Variants in CFAP100 observed in about 807,000 individuals in gnomAD.
The protein encoded by CFAP100 is cilia- and flagella-associated protein 100.
In CFAP100, 70 loss-of-function variants were observed where a neutral mutation model predicts 81.5. The observed-to-expected ratio is 0.86, with a 90% CI of 0.71 to 1.05. CFAP100 has a LOEUF of 1.05. Ranked by LOEUF, CFAP100 falls within the 50% of genes least tolerant of loss-of-function variation. The probability of loss-of-function intolerance (pLI) is 0.00; values close to 1 mark genes in which losing one functional copy is unlikely to be tolerated. For synonymous variants in CFAP100, 341 were observed against 314.8 expected (o/e 1.08, Z -0.88); for missense variants, 811 against 776.5 (o/e 1.04, Z -0.53).
chr3:126,402,413 G>A (rs752364399), intron 2 of CFAP100, among the ~76,000 whole-genome samples: 11 of 152,230 alleles, frequency 7.2e-5, no homozygotes, highest in Non-Finnish European at 1.2e-4. Flanking sequence ...GGGAAAGGGG[G>A]ACGTGGGCAG....
At position 126,423,653 on chromosome 3, in the gene CFAP100, T is replaced by C. The variant is rs13064828; in HGVS notation, c.1286+9T>C. On this transcript the variant is annotated intron_variant, in intron 13 of 16. Coordinates refer to ENST00000352312, the MANE Select transcript of CFAP100 (RefSeq NM_182628.3). The stretch of plus-strand genomic sequence containing the variant: ...CACACCCAGATCCGCATGTAGGTGC[T>C]ATGCGGTGGCCAGTGGGGGCTCCCT... The C allele has an allele frequency of 0.33, 527,295 of 1,613,736 alleles. 87,688 individuals carry two copies. Among genetic ancestry groups the C allele is most frequent in the East Asian group, 0.39 (17,704 of 44,862 alleles).
At chr3:126,432,162 C>T (rs1383430009) in intron 13 of CFAP100, among the ~76,000 whole-genome samples, 1 of 151,484 alleles carries the variant, frequency 6.6e-6, no homozygotes, top group Non-Finnish European at 1.5e-5. Flanking sequence ...GCCTGTAGTT[C>T]CAGCTACTCA....
chr3:126,411,511 G>A (rs1027771270), intron 3 of CFAP100, among the ~76,000 whole-genome samples: 1 of 151,552 alleles, frequency 6.6e-6, no homozygotes, highest in Non-Finnish European at 1.5e-5. Flanking sequence ...TTGAATGTCT[G>A]GTAGAATTCA....
At position 126,433,160 on chromosome 3, in the gene CFAP100, A is replaced by G; in HGVS notation, c.1378A>G (p.Lys460Glu). The G allele has an allele frequency of 6.2e-7, 1 of 1,613,734 alleles. No individual in the cohort carries two copies. The highest frequency in any genetic ancestry group is 8.5e-7 in the Non-Finnish European group (1 of 1,179,590). ...EEDTAAELEL[K>E]ARVFHFGEYK... Reference sequence around the variant, plus strand: ...GGACACAGCAGCTGAGCTGGAGCTCAAAGCCCGAGTCTTCCACTTCGGCGA... The same window carrying G: ...GGACACAGCAGCTGAGCTGGAGCTCGAAGCCCGAGTCTTCCACTTCGGCGA... The change falls in exon 14 of 17, where the codon AAA (lysine) becomes GAA (glutamate). Residue 460 changes from lysine (K) to glutamate (E), a missense_variant. Transcript: ENST00000352312.
rs749265136 is a variant in CFAP100, at chr3:126,414,091, G to T, written c.137G>T (p.Gly46Val). ...KKQARKNEEHGPDPSANPFHL... is the reference protein window; with the variant it reads ...KKQARKNEEHVPDPSANPFHL... The stretch of plus-strand genomic sequence containing the variant: ...GAGGTGTCTCCCTTTCCAGAACATG[G>T]TCCTGACCCTTCAGCGAACCCTTTC... The change falls in exon 4 of 17, where the codon GGT (glycine) becomes GTT (valine). Residue 46 changes from glycine to valine, a missense_variant. Gly to Val is a moderately radical substitution (Grantham distance 109, BLOSUM62 -3). Transcript: ENST00000352312. 3.5e-5 allele frequency: 57 copies of T among 1,612,946 alleles called. 1 individual carries two copies. The Admixed American group carries it at 9.5e-4, about 27-fold the overall frequency.
chr3:126,421,552 C>T (rs964163236), intron 11 of CFAP100, among the ~76,000 whole-genome samples: 2 of 152,156 alleles, frequency 1.3e-5, no homozygotes, highest in African/African-American at 4.8e-5. Flanking sequence ...CAGGGCTGCT[C>T]CCTACATCCC....
At chr3:126,417,481 G>A (rs972887607) in intron 5 of CFAP100, among the ~76,000 whole-genome samples, 1 of 152,236 alleles carries the variant, frequency 6.6e-6, no homozygotes, top group African/African-American at 2.4e-5. Context: ...CTCCACCTGG[G>A]GAGTGGCGCC....
intron 4 of CFAP100, among the ~76,000 whole-genome samples, chr3:126,415,676 G>C (rs982752535): frequency 1.3e-5 from 2 of 152,162 alleles, no homozygotes; most frequent in African/African-American, 2.4e-5. Flanking sequence ...TCCCGGGGCC[G>C]GTGCAGAAAA....
At chr3:126,408,665 G>A (rs2083106898) in intron 3 of CFAP100, among the ~76,000 whole-genome samples, 1 of 152,214 alleles carries the variant, frequency 6.6e-6, no homozygotes. Context: ...CTTCTCATGG[G>A]CAGAGGCAGC....
chr3:126,421,775 C>A (rs1560076216), intron 11 of CFAP100, among the ~76,000 whole-genome samples: 2 of 152,262 alleles, frequency 1.3e-5, no homozygotes, highest in African/African-American at 2.4e-5. Flanking sequence ...TTCCTTTCTG[C>A]CCAGTGTGGC....
intron 2 of CFAP100, among the ~76,000 whole-genome samples, chr3:126,403,496 T>G (rs1362783415): frequency 6.6e-6 from 1 of 151,470 alleles, no homozygotes; most frequent in Non-Finnish European, 1.5e-5. Flanking sequence ...ATTATCTTCC[T>G]GCCTCAGCCT....
intron 13 of CFAP100, among the ~76,000 whole-genome samples, chr3:126,428,174 G>A (rs1933033287): frequency 1.3e-5 from 2 of 152,206 alleles, no homozygotes; most frequent in South Asian, 2.1e-4. Flanking sequence ...ATATTTTTCA[G>A]TGCTAAAAGG....
At position 126,423,647 on chromosome 3, in the gene CFAP100, A is replaced by C. The variant is rs1389402322; in HGVS notation, c.1286+3A>C. The C allele has an allele frequency of 6.2e-7, 1 of 1,614,136 alleles. No homozygotes were observed. The highest frequency in any genetic ancestry group is 8.5e-7 in the Non-Finnish European group (1 of 1,179,986). ...CTGAAACACACCCAGATCCGCATGT[A>C]GGTGCTATGCGGTGGCCAGTGGGGG... On this transcript the variant is annotated splice_donor_region_variant and intron_variant, in intron 13 of 16. Coordinates refer to ENST00000352312, the MANE Select transcript of CFAP100 (RefSeq NM_182628.3).
At chr3:126,409,496 G>A (rs189879795) in intron 3 of CFAP100, among the ~76,000 whole-genome samples, 2 of 152,324 alleles carry the variant, frequency 1.3e-5, no homozygotes, top group South Asian at 2.1e-4. Flanking sequence ...ATTGCTGGTC[G>A]TGTGTTTAAC....
chr3:126,408,700 G>A (rs916738484), intron 3 of CFAP100, among the ~76,000 whole-genome samples: 3 of 152,200 alleles, frequency 2.0e-5, no homozygotes, highest in Non-Finnish European at 2.9e-5. Context: ...TGGGTGCAGA[G>A]GCATGGGAGG....
intron 16 of CFAP100, among the ~76,000 whole-genome samples, chr3:126,435,988 G>A (rs943012638): frequency 6.6e-6 from 1 of 152,266 alleles, no homozygotes; most frequent in East Asian, 1.9e-4. Context: ...CCGTCACTGG[G>A]GTCCCCCTAC....
chr3:126,414,268 G>A (rs2083199702), intron 4 of CFAP100, 89 bp downstream of exon 4: 1 of 896,746 alleles, frequency 1.1e-6, no homozygotes, highest in Middle Eastern at 2.1e-4. Flanking sequence ...TCTCAGAGGA[G>A]CACTTTCCTC....
At chr3:126,435,374 C>T (rs1933404589) in intron 15 of CFAP100, among the ~76,000 whole-genome samples, 185 bp from the exon 16 acceptor site, 1 of 152,138 alleles carries the variant, frequency 6.6e-6, no homozygotes, top group African/African-American at 2.4e-5. Flanking sequence ...GCCTAGGCCA[C>T]CTTGGCCAAA....
intron 13 of CFAP100, among the ~76,000 whole-genome samples, chr3:126,430,131 G>A (rs1933153339): frequency 6.6e-6 from 1 of 152,108 alleles, no homozygotes; most frequent in Admixed American, 6.5e-5. Flanking sequence ...ATGTCCCAAA[G>A]TAGATCTCTT....
Sources: allele counts gnomAD v4.1 joint callset (sites outside exome capture counted in the v4.1 genomes callset), GRCh38; gene constraint gnomAD v4.1.1; transcripts MANE v1.5; gene names NCBI Gene and HGNC (gene_info 2026-07-23, HGNC 2026-07-21).